Variants in USH2A observed in about 807,000 individuals in gnomAD.
USH2A encodes the protein Usher syndrome 2A (autosomal recessive, mild).
USH2A carries 443 observed loss-of-function variants against 538.9 expected under a neutral mutation model. The observed-to-expected ratio is 0.82, with a 90% CI of 0.76 to 0.89. The LOEUF (loss-of-function observed/expected upper bound fraction) is 0.89. Ranked by LOEUF, USH2A falls within the 40% of genes least tolerant of loss-of-function variation. USH2A has a pLI of 0.00. For missense variants in USH2A, 6,633 were observed against 6,324.8 expected, an observed-to-expected ratio of 1.05 and a Z score of -1.65; for synonymous variants, 2,413 against 2,273.5, an observed-to-expected ratio of 1.06 and a Z score of -1.75.
chr1:216,288,713 C>G (rs2036937789), intron 11 of USH2A, among the ~76,000 whole-genome samples: 1 of 152,054 alleles, frequency 6.6e-6, no homozygotes, highest in African/African-American at 2.4e-5. Context: ...TGTTTTCCTG[C>G]TTGAGGTAGG....
intron 16 of USH2A, among the ~76,000 whole-genome samples, chr1:216,203,507 G>T (rs966191759): frequency 7.2e-5 from 11 of 152,020 alleles, no homozygotes; most frequent in African/African-American, 2.7e-4. Flanking sequence ...ACAAACTGCA[G>T]AAAACAAAAC....
intron 3 of USH2A, among the ~76,000 whole-genome samples, chr1:216,383,680 T>G (rs917484932): frequency 1.3e-5 from 2 of 151,178 alleles, no homozygotes; most frequent in African/African-American, 2.5e-5. Flanking sequence ...ATGTAATTTG[T>G]TTGTTTGTTT....
chr1:215,668,441 T>C (rs1474586708), intron 64 of USH2A, among the ~76,000 whole-genome samples: 5 of 152,366 alleles, frequency 3.3e-5, no homozygotes, highest in Admixed American at 3.3e-4. Context: ...TGGGCTAAGC[T>C]AGATTTTGAT....
At chr1:216,189,890 C>T (rs371979376) in intron 20 of USH2A, among the ~76,000 whole-genome samples, 5 of 151,878 alleles carry the variant, frequency 3.3e-5, no homozygotes, top group East Asian at 1.9e-4. Flanking sequence ...CCTGGAGTCA[C>T]GCTACAACTA....
At chr1:216,004,210 C>T (rs1467569265) in intron 32 of USH2A, among the ~76,000 whole-genome samples, 9 of 152,212 alleles carry the variant, frequency 5.9e-5, no homozygotes, top group Admixed American at 5.9e-4. Flanking sequence ...TTTGGAATTA[C>T]AGGAAGAGTT....
chr1:215,965,399 G>T lies in USH2A; in HGVS notation c.7038C>A (p.His2346Gln), dbSNP rs145718407. 1 of 1,613,846 alleles carries T rather than the reference G, an allele frequency of 6.2e-7. No individual in the cohort carries two copies. Among genetic ancestry groups the T allele is most frequent in the East Asian group, 2.2e-5 (1 of 44,886 alleles). ...GGCGAAAAGGTGCTTCCCACCTCAC[G>T]TGGGCTTTCCGGGATCCCTGTGTTT... ...FVKTQGSRKA[H>Q]VRWEAPFRPN... Residue 2346 changes from histidine to glutamine, a missense_variant, in exon 37 of 72, where the codon CAC becomes CAA. Coordinates refer to ENST00000307340, the MANE Select transcript of USH2A (RefSeq NM_206933.4).
chr1:216,221,386 T>G (rs1012922443), intron 14 of USH2A, among the ~76,000 whole-genome samples: 6 of 152,184 alleles, frequency 3.9e-5, no homozygotes, highest in African/African-American at 1.4e-4. Flanking sequence ...AGAGGAGCTG[T>G]GGTTTCATTG....
chr1:216,333,958 A>G (rs1026703350), intron 4 of USH2A, among the ~76,000 whole-genome samples: 3 of 152,100 alleles, frequency 2.0e-5, no homozygotes, highest in African/African-American at 7.2e-5. Context: ...AGAAATACCA[A>G]AAGAAGTCCT....
intron 37 of USH2A, among the ~76,000 whole-genome samples, chr1:215,948,427 T>G (rs915965864): frequency 3.8e-5 from 5 of 131,222 alleles, no homozygotes; most frequent in African/African-American, 1.5e-4. Context: ...TTTGTTCAGA[T>G]ATATATATAT....
chr1:215,749,081 G>A (rs1660558140), intron 58 of USH2A, among the ~76,000 whole-genome samples: 1 of 152,040 alleles, frequency 6.6e-6, no homozygotes, highest in African/African-American at 2.4e-5. Flanking sequence ...ATGTGTACTT[G>A]GATATGATCA....
intron 30 of USH2A, among the ~76,000 whole-genome samples, chr1:216,052,298 C>T (rs1054717003): frequency 1.3e-5 from 2 of 150,922 alleles, no homozygotes; most frequent in South Asian, 2.1e-4. Context: ...TCACATTTCC[C>T]ATTTCAAGCC....
In USH2A at chr1:216,246,884, C is replaced by T. The variant is rs148594393; in HGVS notation, c.2510G>A (p.Arg837Gln). 4.4e-4 allele frequency: 711 copies of T among 1,614,050 alleles called. 3 individuals are homozygous for T. The African/African-American group carries it at 8.2e-3, about 19-fold the overall frequency. ...CAGACAGAGGAAAGAATTATTTTGCCGTAGGTAGAAGTTTCCCTCCAAACA... is the reference window on the plus strand; with the variant it reads ...CAGACAGAGGAAAGAATTATTTTGCTGTAGGTAGAAGTTTCCCTCCAAACA... ...NKCLEGNFYLRQNNSFLCLPC... is the reference protein window; with the variant it reads ...NKCLEGNFYLQQNNSFLCLPC... The change falls in exon 13 of 72, where the codon CGG (arginine) becomes CAG (glutamine). Residue 837 changes from arginine (R) to glutamine (Q), a missense_variant. Coordinates refer to ENST00000307340, the MANE Select transcript of USH2A (RefSeq NM_206933.4).
rs548507236 is a variant in USH2A, at chr1:215,900,362, T to A, written c.7452-145A>T. ...TTCTGCCATCAAATGAGATCTCTTT[T>A]AAAATAAGTAGCCATTGGCTGAGTC... On this transcript the variant is annotated intron_variant, in intron 39 of 71. Coordinates refer to ENST00000307340, the MANE Select transcript of USH2A (RefSeq NM_206933.4). 3 of 909,800 alleles carry A rather than the reference T, an allele frequency of 3.3e-6. No individual in the cohort carries two copies. In the South Asian group the frequency reaches 4.4e-5, roughly 13 times the overall value. The allele number at this position is 909,800 out of a possible 1,614,324, so 56.4% of individuals were successfully genotyped here. A position where few individuals can be genotyped will look rare whatever the true frequency, so the allele number is the denominator to read the frequency against.
intron 30 of USH2A, among the ~76,000 whole-genome samples, chr1:216,062,048 T>G (rs2031204913): frequency 6.6e-6 from 1 of 152,146 alleles, no homozygotes; most frequent in Non-Finnish European, 1.5e-5. Flanking sequence ...ATATTAGAGA[T>G]GAGCCAACTA....
intron 70 of USH2A, 133 bp downstream of exon 70, chr1:215,634,326 G>A: frequency 7.0e-7 from 1 of 1,434,606 alleles, no homozygotes; most frequent in South Asian, 1.2e-5. Flanking sequence ...AGCCTCTCTT[G>A]GTCCCCACAC....
chr1:216,251,442 C>CTTTT lies in USH2A; in HGVS notation c.1972-348_1972-345dup, dbSNP rs779947689. On this transcript the variant is annotated intron_variant, in intron 11 of 71. Coordinates refer to ENST00000307340, the MANE Select transcript of USH2A (RefSeq NM_206933.4). ...TTTAGTCTTTAGGACACCACTTCCC[C>CTTTT]TTTTTTTTTTTTTTTTTTTTTTTTT... Among the ~76,000 whole-genome samples, 255 of 80,392 alleles carry CTTTT rather than the reference C, an allele frequency of 3.2e-3. 33 individuals are homozygous for CTTTT. Among genetic ancestry groups the CTTTT allele is most frequent in the Non-Finnish European group, 4.6e-3 (200 of 43,504 alleles). The allele number at this position is 80,392 out of a possible 152,430, so 52.7% of individuals were successfully genotyped here. A position where few individuals can be genotyped will look rare whatever the true frequency, so the allele number is the denominator to read the frequency against.
At chr1:215,916,250 C>T (rs1665950679) in intron 38 of USH2A, among the ~76,000 whole-genome samples, 1 of 151,708 alleles carries the variant, frequency 6.6e-6, no homozygotes, top group Non-Finnish European at 1.5e-5. Context: ...ACAGATCCAA[C>T]CTAAATAAAT....
intron 21 of USH2A, among the ~76,000 whole-genome samples, chr1:216,108,169 C>G (rs1034166315): frequency 6.6e-6 from 1 of 151,750 alleles, no homozygotes; most frequent in Non-Finnish European, 1.5e-5. Flanking sequence ...CAAGACTATT[C>G]ATGATATACT....
At chr1:216,050,112 T>A (rs79632627) in intron 30 of USH2A, among the ~76,000 whole-genome samples, 3 of 152,272 alleles carry the variant, frequency 2.0e-5, no homozygotes, top group Non-Finnish European at 4.4e-5. Flanking sequence ...CTGAGTTTAC[T>A]TTCTTTTAAG....
Sources: allele counts gnomAD v4.1 joint callset (sites outside exome capture counted in the v4.1 genomes callset), GRCh38; gene constraint gnomAD v4.1.1; transcripts MANE v1.5; gene names NCBI Gene and HGNC (gene_info 2026-07-23, HGNC 2026-07-21).